Variants in PLCL2 observed in about 807,000 individuals in gnomAD.
PLCL2 encodes the protein phospholipase C like 2, also known as inactive phospholipase C-like protein 2.
A neutral mutation model predicts 79.6 loss-of-function variants in PLCL2; 4 were observed. The ratio of observed to expected loss-of-function variants is 0.05; its 90% CI spans 0.02 to 0.11. PLCL2 has a LOEUF of 0.11. Ranked by LOEUF, PLCL2 falls within the 10% of genes least tolerant of loss-of-function variation. The pLI is 1.00. For missense variants in PLCL2, 895 were observed against 1,291.0 expected, an observed-to-expected ratio of 0.69 and a Z score of 4.70; for synonymous variants, 484 against 457.7, an observed-to-expected ratio of 1.06 and a Z score of -0.73.
intron 1 of PLCL2, among the ~76,000 whole-genome samples, chr3:16,907,879 A>T (rs1193918820): frequency 3.3e-5 from 5 of 152,202 alleles, no homozygotes; most frequent in Non-Finnish European, 2.9e-5. Context: ...AATAAATATC[A>T]ATTCATTTCA....
intron 1 of PLCL2, among the ~76,000 whole-genome samples, chr3:16,997,455 A>G (rs1231319504): frequency 2.0e-5 from 3 of 151,560 alleles, no homozygotes; most frequent in Admixed American, 1.3e-4. Context: ...TTTCCCTTTT[A>G]TGTAATTCAT....
At chr3:17,022,891 AT>A (rs1282413906) in intron 3 of PLCL2, among the ~76,000 whole-genome samples, 1 of 152,166 alleles carries the variant, frequency 6.6e-6, no homozygotes, top group Non-Finnish European at 1.5e-5. Context: ...GGTAAACTTC[AT>A]CTATTGCATT....
chr3:16,897,380 C>A (rs1252300219), intron 1 of PLCL2, among the ~76,000 whole-genome samples: 2 of 151,794 alleles, frequency 1.3e-5, no homozygotes, highest in East Asian at 3.9e-4. Context: ...GCTCCTAGTC[C>A]CTGTAGTTCC....
chr3:16,941,139 C>CT (rs1471923505), intron 1 of PLCL2, among the ~76,000 whole-genome samples: 1 of 152,224 alleles, frequency 6.6e-6, no homozygotes, highest in African/African-American at 2.4e-5. Context: ...GTTCTCACCA[C>CT]TTTGCCATCC....
At chr3:17,031,806 A>G (rs2064585618) in intron 3 of PLCL2, among the ~76,000 whole-genome samples, 1 of 152,208 alleles carries the variant, frequency 6.6e-6, no homozygotes, top group Non-Finnish European at 1.5e-5. Flanking sequence ...AGAAAAGCAT[A>G]GCATAATAAA....
At chr3:17,086,910 C>T (rs931967332) in intron 5 of PLCL2, among the ~76,000 whole-genome samples, 4 of 152,206 alleles carry the variant, frequency 2.6e-5, no homozygotes, top group Non-Finnish European at 4.4e-5. Flanking sequence ...ATATTAGCAT[C>T]ACATGTCACT....
intron 1 of PLCL2, among the ~76,000 whole-genome samples, chr3:16,885,844 C>G (rs1696208187): frequency 6.6e-6 from 1 of 152,194 alleles, no homozygotes. Flanking sequence ...TTGGCTCTTA[C>G]AAATGTTTAC....
chr3:16,997,367 GA>G (rs772517538), intron 1 of PLCL2, among the ~76,000 whole-genome samples: 2 of 152,166 alleles, frequency 1.3e-5, no homozygotes, highest in Non-Finnish European at 1.5e-5. Flanking sequence ...AGAGTTTAGA[GA>G]AGAGAGAACA....
At chr3:16,954,994 G>T (rs1369825612) in intron 1 of PLCL2, among the ~76,000 whole-genome samples, 8 of 152,160 alleles carry the variant, frequency 5.3e-5, no homozygotes, top group Non-Finnish European at 8.8e-5. Flanking sequence ...CACTCTGATG[G>T]TAGTTTCTTT....
intron 1 of PLCL2, among the ~76,000 whole-genome samples, chr3:16,979,980 C>T (rs1227477403): frequency 6.8e-6 from 1 of 146,200 alleles, no homozygotes; most frequent in African/African-American, 2.5e-5. Flanking sequence ...ACCCCCCCAA[C>T]CTCCCTCCTG....
chr3:17,039,757 G>A (rs1045064354), intron 3 of PLCL2, among the ~76,000 whole-genome samples: 5 of 152,136 alleles, frequency 3.3e-5, no homozygotes, highest in African/African-American at 7.2e-5. Context: ...GCCTCCTGCT[G>A]TTTACTTGCA....
At chr3:17,021,546 A>G (rs539290360) in intron 3 of PLCL2, among the ~76,000 whole-genome samples, 6 of 152,036 alleles carry the variant, frequency 3.9e-5, no homozygotes, top group African/African-American at 1.2e-4. Flanking sequence ...TTCTAGCTTA[A>G]CATGTCTCCA....
chr3:17,081,502 T>C (rs2065162075), intron 5 of PLCL2: 1 of 271,998 alleles, frequency 3.7e-6, no homozygotes, highest in South Asian at 3.7e-5. Context: ...GAATCCCTGT[T>C]GTTTTGCCCC....
chr3:17,005,381 G>A (rs1331274491), intron 1 of PLCL2, among the ~76,000 whole-genome samples: 1 of 152,082 alleles, frequency 6.6e-6, no homozygotes, highest in Non-Finnish European at 1.5e-5. Context: ...CCCGTTTCAG[G>A]ATGAGAATTT....
At chr3:17,075,739 C>G (rs1189127747) in intron 5 of PLCL2, among the ~76,000 whole-genome samples, 3 of 152,128 alleles carry the variant, frequency 2.0e-5, no homozygotes, top group Non-Finnish European at 4.4e-5. Context: ...ATAGTTTGAC[C>G]TGTGCCAGAA....
intron 1 of PLCL2, among the ~76,000 whole-genome samples, chr3:16,900,303 CTA>C (rs1376958324): frequency 2.0e-5 from 3 of 152,092 alleles, no homozygotes; most frequent in Non-Finnish European, 4.4e-5. Flanking sequence ...AGTATTGTCA[CTA>C]GACTTAAAAA....
chr3:16,901,983 T>C (rs1462573166), intron 1 of PLCL2, among the ~76,000 whole-genome samples: 1 of 152,170 alleles, frequency 6.6e-6, no homozygotes, highest in African/African-American at 2.4e-5. Flanking sequence ...TCCATAGCCA[T>C]AGCTGCAGTT....
intron 1 of PLCL2, among the ~76,000 whole-genome samples, chr3:16,930,801 T>C (rs1697374972): frequency 6.6e-6 from 1 of 152,164 alleles, no homozygotes; most frequent in Admixed American, 6.5e-5. Context: ...GATTTTCTCC[T>C]TAAGTCTGCT....
intron 1 of PLCL2, chr3:16,933,080 C>CT (rs1697445846): frequency 6.5e-6 from 1 of 154,350 alleles, no homozygotes; most frequent in Non-Finnish European, 1.5e-5. Context: ...CACATTGCCT[C>CT]TAAGAAAATG....
Sources: allele counts gnomAD v4.1 joint callset (sites outside exome capture counted in the v4.1 genomes callset), GRCh38; gene constraint gnomAD v4.1.1; transcripts MANE v1.5; gene names NCBI Gene and HGNC (gene_info 2026-07-23, HGNC 2026-07-21).